LILRB5: variants seen among roughly 807,000 people sequenced by gnomAD.
LILRB5 encodes leukocyte immunoglobulin like receptor B5.
Under a neutral mutation model 68.4 loss-of-function variants are expected in LILRB5, and 61 were observed. That is an observed-to-expected ratio of 0.89 (90% CI 0.73 to 1.10). LILRB5 has a LOEUF of 1.10. Among genes scored for constraint, LILRB5 ranks in the 50% least tolerant of loss-of-function variants. The probability of loss-of-function intolerance (pLI) is 0.00; values close to 1 mark genes in which losing one functional copy is unlikely to be tolerated. For synonymous variants in LILRB5, 356 were observed against 315.8 expected, an observed-to-expected ratio of 1.13 and a Z score of -1.35; for missense variants, 771 against 751.6, an observed-to-expected ratio of 1.03 and a Z score of -0.30.
At position 54,256,124 on chromosome 19, in the gene LILRB5, T is replaced by C. The variant is rs771690362; in HGVS notation, c.574A>G (p.Arg192Gly). 1 of 1,608,736 alleles carries C rather than the reference T, an allele frequency of 6.2e-7. No individual in the cohort carries two copies. The highest frequency in any genetic ancestry group is 1.7e-5 in the Admixed American group (1 of 58,742). Residue 192 changes from arginine to glycine, a missense_variant, in exon 4 of 13, where the codon AGG (arginine) becomes GGG (glycine). Transcript: ENST00000449561. ...CTGTAATAGTAATAGCATCTGAACC[T>C]CCACCTGCAGCTGGGGGTCACGGGA... ...VGPVTPSCRW[R>G]FRCYYYYRKN...
Position 54,254,331 on chromosome 19 carries a change from GCTCCCTCCGAGCCCAGAGGCCT to G in LILRB5, c.1306+12_1306+33del, listed in dbSNP as rs1334505801. ...TCAGGGCTGCCTGGGGGGAGACCACGCTCCCTCCGAGCCCAGAGGCCTCAGTGACTCACCAGGTGTGGGGGTG... is the reference window on the plus strand; with the variant it reads ...TCAGGGCTGCCTGGGGGGAGACCACGCAGTGACTCACCAGGTGTGGGGGTG... On this transcript the variant is annotated intron_variant, in intron 7 of 12. Transcript: ENST00000449561. 6.4e-7 allele frequency: 1 copy of G among 1,552,080 alleles called. No individual in the cohort carries two copies. The highest frequency in any genetic ancestry group is 1.7e-4 in the Middle Eastern group (1 of 5,882).
Position 54,256,608 on chromosome 19 carries a change from G to C in LILRB5, c.236C>G (p.Ala79Gly). The change falls in exon 3 of 13, where the codon GCC (alanine) becomes GGC (glycine). Residue 79 changes from alanine (A) to glycine (G), a missense_variant. Ala to Gly is a moderately conservative substitution (Grantham distance 60, BLOSUM62 0). Transcript: ENST00000449561. Reference sequence around the variant, plus strand: ...GGATGGAATGTGGAACTTGGCCTTGGCTCCAGGCTCCAGTGGGTTCTGTCT... The same window carrying C: ...GGATGGAATGTGGAACTTGGCCTTGCCTCCAGGCTCCAGTGGGTTCTGTCT... ...RKRQNPLEPG[A>G]KAKFHIPSTV... is the part of the protein sequence containing the mutation. 5.0e-6 allele frequency: 8 copies of C among 1,614,140 alleles called. No individual in the cohort carries two copies. Among genetic ancestry groups the C allele is most frequent in the Non-Finnish European group, 6.8e-6 (8 of 1,179,988 alleles).
rs201981468 is a variant in LILRB5, at chr19:54,252,123, A to G, written c.1577-17T>C. 4.3e-3 allele frequency: 6,890 copies of G among 1,613,696 alleles called. 77 individuals carry two copies. The highest frequency in any genetic ancestry group is 0.02 in the Middle Eastern group (122 of 6,052). On this transcript the variant is annotated splice_polypyrimidine_tract_variant and intron_variant, in intron 11 of 12. Transcript: ENST00000449561. ...CGGCAGCATCTGCTGGGCCAGAGCAAGGGGTTCATCTCCTGGGAAGGTTCT... is the reference window on the plus strand; with the variant it reads ...CGGCAGCATCTGCTGGGCCAGAGCAGGGGGTTCATCTCCTGGGAAGGTTCT...
chr19:54,250,806 C>T lies in LILRB5; in HGVS notation c.1756G>A (p.Ala586Thr), dbSNP rs201610708. The T allele has an allele frequency of 9.8e-5, 158 of 1,613,918 alleles. No individual in the cohort carries two copies. Among genetic ancestry groups the T allele is most frequent in the Non-Finnish European group, 1.2e-4 (142 of 1,180,020 alleles). ...GTGGGCTAGTGGATGGCCAGGGGGGCGTAGATGCTGGGTTCAGCTGGAGGT... is the reference window on the plus strand; with the variant it reads ...GTGGGCTAGTGGATGGCCAGGGGGGTGTAGATGCTGGGTTCAGCTGGAGGT... Reference protein sequence around the residue: ...REPPAEPSIYAPLAIH With the variant: ...REPPAEPSIYTPLAIH Residue 586 changes from alanine (A) to threonine (T), a missense_variant, in exon 13 of 13, where the codon GCC (alanine) becomes ACC (threonine). By Grantham distance (58) the Ala-to-Thr change is moderately conservative. Transcript: ENST00000449561.
In LILRB5 at chr19:54,249,804, G is replaced by A. The variant is rs1001296328; in HGVS notation, c.*982C>T. 1 of 152,204 alleles carries A rather than the reference G, an allele frequency of 6.6e-6. No individual in the cohort carries two copies. Among genetic ancestry groups the A allele is most frequent in the African/African-American group, 2.4e-5 (1 of 41,428 alleles). The allele number at this position is 152,204 out of a possible 1,614,324, so 9.4% of individuals were successfully genotyped here. On this transcript the variant is annotated 3_prime_UTR_variant, in exon 13 of 13. Transcript: ENST00000449561. ...GCCCAGCACTTTGGGAGGCTGAGGC[G>A]GGCGGATCACCTGAGGTCGGGAGTT...
Position 54,252,978 on chromosome 19 carries a change from C to G in LILRB5, c.1367G>C (p.Arg456Thr). 6.4e-7 allele frequency: 1 copy of G among 1,561,022 alleles called. No homozygotes were observed. The highest frequency in any genetic ancestry group is 8.7e-7 in the Non-Finnish European group (1 of 1,147,126). The part of the protein sequence containing the change: ...TGLDPQSGLG[R>T]HLGVVTGVSV... ...GACCCCAGTCACAACCCCCAGGTGC[C>G]TTCCCAGACCTTGAGCGTGATGACG... is the stretch of plus-strand genomic sequence containing the variant. The change falls in exon 9 of 13, where the codon AGG becomes ACG. Residue 456 changes from arginine (R) to threonine (T), a missense_variant. By Grantham distance (71) the Arg-to-Thr change is moderately conservative. Transcript: ENST00000449561.
rs200034201 is a variant in LILRB5, at chr19:54,252,047, G to A, written c.1629+7C>T. On this transcript the variant is annotated splice_region_variant and intron_variant, in intron 12 of 12. Transcript: ENST00000449561. ...CTTTGGTGCCCGGGACAGGGGCGGG[G>A]CCTCACCGGAGCATCCATCTCCACC... 3.7e-6 allele frequency: 6 copies of A among 1,613,282 alleles called. No individual in the cohort carries two copies. The highest frequency in any genetic ancestry group is 5.1e-6 in the Non-Finnish European group (6 of 1,179,608).
chr19:54,253,996 C>G (rs930107622), intron 8 of LILRB5, 22 bp downstream of exon 8: 2 of 1,576,870 alleles, frequency 1.3e-6, no homozygotes, highest in Non-Finnish European at 1.7e-6. Context: ...CGCCCACCTC[C>G]CACTCAGAGC....
chr19:54,252,453 G>A, intron 10 of LILRB5, 33 bp downstream of exon 10: 4 of 1,614,092 alleles, frequency 2.5e-6, no homozygotes, highest in Non-Finnish European at 3.4e-6. Context: ...CTGTGCGGGT[G>A]GATGGGAGTC....
At chr19:54,251,400 G>A (rs997246486) in intron 12 of LILRB5, 7 of 633,636 alleles carry the variant, frequency 1.1e-5, no homozygotes, top group South Asian at 5.9e-5. Flanking sequence ...GCAAGAGCTC[G>A]CTGCTGCCTC....
At position 54,252,475 on chromosome 19, in the gene LILRB5, T is replaced by C. The variant is rs191264163; in HGVS notation, c.1538+11A>G. The stretch of plus-strand genomic sequence containing the variant: ...GGTGGATGGGAGTCTTGGGTCTTCA[T>C]GCAGAATTACCTCTTCTGCAGGCCC... On this transcript the variant is annotated intron_variant, in intron 10 of 12. Coordinates refer to ENST00000449561, the MANE Select transcript of LILRB5 (RefSeq NM_001081442.3). The C allele has an allele frequency of 3.1e-6, 5 of 1,614,134 alleles. No individual in the cohort carries two copies. Among genetic ancestry groups the C allele is most frequent in the Middle Eastern group, 1.7e-4 (1 of 6,058 alleles).
At chr19:54,253,930 C>G in intron 8 of LILRB5, 88 bp downstream of exon 8, 1 of 1,549,546 alleles carries the variant, frequency 6.5e-7, no homozygotes, top group Non-Finnish European at 8.7e-7. Context: ...TGCACTTCAC[C>G]ATCTCCAGAG....
rs117421142 is a variant in LILRB5 at position 54,252,383 on chromosome 19, A to G, written c.1559T>C (p.Ile520Thr). ...TCACTCACTGAGAATTTCCTCCTGG[A>G]TGTCAGCAACTGGGCTGGCCCTGGG... ...LQKRASPVAD[I>T]QEEILNAAVK... is the part of the protein sequence containing the mutation. Residue 520 changes from isoleucine to threonine, a missense_variant, in exon 11 of 13, where the codon ATC becomes ACC. By Grantham distance (89) the Ile-to-Thr change is moderately conservative. Transcript: ENST00000449561. 0.024 allele frequency: 39,104 copies of G among 1,613,966 alleles called. 808 individuals are homozygous for G. Among genetic ancestry groups the G allele is most frequent in the South Asian group, 0.077 (6,970 of 91,064 alleles).
chr19:54,253,016 A>G (rs1569050705), intron 8 of LILRB5, 29 bp from the exon 9 acceptor site: 1 of 1,462,716 alleles, frequency 6.8e-7, no homozygotes, highest in Non-Finnish European at 9.3e-7. Context: ...GGGAATGGGG[A>G]TGACGTCATT....
rs755597524 is a variant in LILRB5 at position 54,252,081 on chromosome 19, G to T, written c.1602C>A (p.Pro534=). The T allele has an allele frequency of 5.6e-6, 9 of 1,613,954 alleles. No homozygotes were observed. In the African/African-American group the frequency reaches 1.2e-4, roughly 22 times the overall value. ...GAGCATCCATCTCCACCCCGTCCTTGGGCTGTGTGTCCTTCACGGCAGCAT... is the reference window on the plus strand; with the variant it reads ...GAGCATCCATCTCCACCCCGTCCTTTGGCTGTGTGTCCTTCACGGCAGCAT... The part of the protein sequence containing the change: ...ILNAAVKDTQ[P]KDGVEMDAPA... The change falls in exon 12 of 13, where the codon CCC becomes CCA. Residue 534 remains proline (P), a synonymous_variant. Coordinates refer to ENST00000449561, the MANE Select transcript of LILRB5 (RefSeq NM_001081442.3).
intron 11 of LILRB5, 55 bp from the exon 12 acceptor site, chr19:54,252,161 C>A (rs405443): frequency 0.41 from 647,573 of 1,589,994 alleles, 135,717 homozygotes; most frequent in African/African-American, 0.6. Flanking sequence ...GAGACTTCTC[C>A]GTCCTGCCAG....
chr19:54,251,504 G>A, intron 12 of LILRB5: 1 of 531,496 alleles, frequency 1.9e-6, no homozygotes, highest in South Asian at 2.0e-5. Context: ...GATGACAGCT[G>A]AGCAGACAGC....
At chr19:54,254,491 C>T in intron 6 of LILRB5, 76 bp from the exon 7 acceptor site, 1 of 1,477,970 alleles carries the variant, frequency 6.8e-7, no homozygotes, top group South Asian at 1.3e-5. Context: ...CTGCCCGTGG[C>T]TTCTCTGGAA....
chr19:54,256,835 C>T (rs745553162), intron 2 of LILRB5, 62 bp from the exon 3 acceptor site: 6 of 1,608,142 alleles, frequency 3.7e-6, no homozygotes, highest in Non-Finnish European at 5.1e-6. Context: ...CAGCTCTCAG[C>T]CCCAGGACCC....
Sources: allele counts gnomAD v4.1 joint callset, GRCh38; gene constraint gnomAD v4.1.1; transcripts MANE v1.5; gene names NCBI Gene and HGNC (gene_info 2026-07-23, HGNC 2026-07-21).